The following EIF3J variants were observed in gnomAD, a reference collection of about 807,000 sequenced individuals.
EIF3J encodes the protein eukaryotic translation initiation factor 3 subunit J.
EIF3J carries 15 observed loss-of-function variants against 39.0 expected under a neutral mutation model. The observed-to-expected ratio is 0.38, with a 90% CI of 0.26 to 0.59. The LOEUF (loss-of-function observed/expected upper bound fraction) is 0.59, where lower values mean the gene tolerates loss of function less well. EIF3J is among the 20% of genes least tolerant of loss of function. The pLI, the probability that EIF3J is intolerant of heterozygous loss-of-function variation, is 0.60. For missense variants in EIF3J, 226 were observed against 308.6 expected (o/e 0.73, Z 2.00); for synonymous variants, 98 against 112.9 (o/e 0.87, Z 0.84).
intron 5 of EIF3J, among the ~76,000 whole-genome samples, chr15:44,556,541 C>G (rs1010566051): frequency 6.6e-6 from 1 of 151,998 alleles, no homozygotes; most frequent in Non-Finnish European, 1.5e-5. Context: ...GAGTCTCACT[C>G]TGTCACCCAG....
chr15:44,548,244 G>A (rs1010016010), intron 2 of EIF3J, among the ~76,000 whole-genome samples: 7 of 152,146 alleles, frequency 4.6e-5, no homozygotes, highest in South Asian at 2.1e-4. Flanking sequence ...GAGAAACCCC[G>A]TCTCTACTAA....
Position 44,561,852 on chromosome 15 carries a change from G to A in EIF3J, c.*703G>A, listed in dbSNP as rs2082200330. ...GATGAACTGCTTCAGGTGGGGGAGG[G>A]AAACTTATTTTTATTTGCCTGATTT... On this transcript the variant is annotated 3_prime_UTR_variant, in exon 8 of 8. Transcript: ENST00000261868. The A allele has an allele frequency of 6.6e-6, 1 of 152,566 alleles. No homozygotes were observed. The highest frequency in any genetic ancestry group is 2.4e-5 in the African/African-American group (1 of 41,432). 9.5% of individuals were successfully genotyped at this position (152,566 alleles called of 1,614,324 possible). A position where few individuals can be genotyped will look rare whatever the true frequency, so the allele number is the denominator to read the frequency against.
intron 2 of EIF3J, among the ~76,000 whole-genome samples, chr15:44,540,414 G>C (rs1300752024): frequency 6.6e-6 from 1 of 151,214 alleles, no homozygotes; most frequent in Admixed American, 6.6e-5. Context: ...TATTTATTTT[G>C]AGACGGATTT....
chr15:44,548,979 A>C (rs1341281085), intron 2 of EIF3J, among the ~76,000 whole-genome samples: 4 of 152,144 alleles, frequency 2.6e-5, no homozygotes, highest in African/African-American at 4.8e-5. Context: ...AAAAAATGAA[A>C]TTAGATCCAT....
Position 44,543,417 on chromosome 15 carries a change from C to CTTTTTTT in EIF3J, c.147+6001_147+6007dup, listed in dbSNP as rs759322625. Among the ~76,000 whole-genome samples the CTTTTTTT allele has an allele frequency of 2.0e-3, 267 of 135,390 alleles. 1 individual carries two copies. The highest frequency in any genetic ancestry group is 6.7e-3 in the African/African-American group (242 of 36,360). 88.8% of individuals were successfully genotyped at this position (135,390 alleles called of 152,430 possible). The stretch of plus-strand genomic sequence containing the variant: ...TCTTGGTACATGTTGATAGGAACCA[C>CTTTTTTT]TTTTTTTTTTTTTTTTTGAGATGGA... On this transcript the variant is annotated intron_variant, in intron 2 of 7. Coordinates refer to ENST00000261868, the MANE Select transcript of EIF3J (RefSeq NM_003758.4).
chr15:44,555,484 C>T (rs972243413), intron 5 of EIF3J, among the ~76,000 whole-genome samples: 2 of 152,284 alleles, frequency 1.3e-5, no homozygotes, highest in East Asian at 3.9e-4. Flanking sequence ...GGAAGTATGA[C>T]CTTATCTGTC....
chr15:44,562,010 T>C lies in EIF3J; in HGVS notation c.*861T>C, dbSNP rs2082202856. 1 of 152,630 alleles carries C rather than the reference T, an allele frequency of 6.6e-6. No homozygotes were observed. Among genetic ancestry groups the C allele is most frequent in the Non-Finnish European group, 1.5e-5 (1 of 68,034 alleles). 9.5% of individuals were successfully genotyped at this position (152,630 alleles called of 1,614,324 possible). A position where few individuals can be genotyped will look rare whatever the true frequency, so the allele number is the denominator to read the frequency against. On this transcript the variant is annotated 3_prime_UTR_variant, in exon 8 of 8. Coordinates refer to ENST00000261868, the MANE Select transcript of EIF3J (RefSeq NM_003758.4). The stretch of plus-strand genomic sequence containing the variant: ...CACCAGTTAACTACAGTTTGGTAAA[T>C]TGTTATGTTAACAATTATGACATCT...
chr15:44,555,593 C>CT (rs1334879513), intron 5 of EIF3J, among the ~76,000 whole-genome samples: 1 of 152,140 alleles, frequency 6.6e-6, no homozygotes, highest in Non-Finnish European at 1.5e-5. Context: ...ATAGAGAGCT[C>CT]TTGGCTGTTA....
chr15:44,542,751 A>G (rs2082023304), intron 2 of EIF3J, among the ~76,000 whole-genome samples: 1 of 152,252 alleles, frequency 6.6e-6, no homozygotes, highest in Non-Finnish European at 1.5e-5. Flanking sequence ...CTGCAGGGCA[A>G]GAGTATAGAT....
rs867034079 is a variant in EIF3J, at chr15:44,560,890, G to A, written c.646-128G>A. 32 of 1,288,896 alleles carry A rather than the reference G, an allele frequency of 2.5e-5. No individual in the cohort carries two copies. In the Middle Eastern group the frequency reaches 2.1e-3, roughly 86 times the overall value. The allele number at this position is 1,288,896 out of a possible 1,614,324, so 79.8% of individuals were successfully genotyped here. A position where few individuals can be genotyped will look rare whatever the true frequency, so the allele number is the denominator to read the frequency against. On this transcript the variant is annotated intron_variant, in intron 7 of 7. Coordinates refer to ENST00000261868, the MANE Select transcript of EIF3J (RefSeq NM_003758.4). Reference sequence around the variant, plus strand: ...TTCAGGTCCAAAACATGTAGGCTCGGATGTCCCTTACAGAACTAGTGTTTC... The same window carrying A: ...TTCAGGTCCAAAACATGTAGGCTCGAATGTCCCTTACAGAACTAGTGTTTC...
rs930037740 is a variant in EIF3J at position 44,561,807 on chromosome 15, T to C, written c.*658T>C. 5.9e-5 allele frequency: 9 copies of C among 152,760 alleles called. No individual in the cohort carries two copies. Among genetic ancestry groups the C allele is most frequent in the African/African-American group, 2.2e-4 (9 of 41,584 alleles). The allele number at this position is 152,760 out of a possible 1,614,324, so 9.5% of individuals were successfully genotyped here. A position where few individuals can be genotyped will look rare whatever the true frequency, so the allele number is the denominator to read the frequency against. On this transcript the variant is annotated 3_prime_UTR_variant, in exon 8 of 8. Coordinates refer to ENST00000261868, the MANE Select transcript of EIF3J (RefSeq NM_003758.4). ...CTCGAGTGCAAAGACTGTCTAGTTA[T>C]TTATCAGGCTATTTCTACTGATGAA...
intron 6 of EIF3J, among the ~76,000 whole-genome samples, chr15:44,558,346 G>T (rs1413574026): frequency 2.0e-5 from 3 of 152,118 alleles, no homozygotes; most frequent in Non-Finnish European, 4.4e-5. Flanking sequence ...GCTCATGCCT[G>T]TAATCCCAGC....
At chr15:44,546,302 G>GT (rs2082052479) in intron 2 of EIF3J, among the ~76,000 whole-genome samples, 1 of 152,200 alleles carries the variant, frequency 6.6e-6, no homozygotes, top group Non-Finnish European at 1.5e-5. Context: ...AATTGCTGAA[G>GT]TAAGATGAAT....
At chr15:44,542,075 A>G (rs981275331) in intron 2 of EIF3J, among the ~76,000 whole-genome samples, 5 of 152,252 alleles carry the variant, frequency 3.3e-5, no homozygotes, top group Non-Finnish European at 5.9e-5. Flanking sequence ...TGAGACAGGT[A>G]GGCATTGAGA....
At chr15:44,538,567 C>G (rs956312562) in intron 2 of EIF3J, among the ~76,000 whole-genome samples, 1 of 152,096 alleles carries the variant, frequency 6.6e-6, no homozygotes, top group Non-Finnish European at 1.5e-5. Context: ...CTGTTCTCTC[C>G]CCAGTCCGAT....
intron 4 of EIF3J, among the ~76,000 whole-genome samples, chr15:44,552,679 A>G (rs2082110191): frequency 6.6e-6 from 1 of 151,688 alleles, no homozygotes; most frequent in Admixed American, 6.6e-5. Flanking sequence ...CTCCTGCCTC[A>G]GTCTTCGAGT....
chr15:44,551,790 G>A (rs2082100952), intron 4 of EIF3J, among the ~76,000 whole-genome samples: 1 of 152,002 alleles, frequency 6.6e-6, no homozygotes, highest in South Asian at 2.1e-4. Flanking sequence ...GCCAGTGCCT[G>A]TAGTTCATTC....
rs1198445825 is a variant in EIF3J, at chr15:44,561,803, GTTAT to G, written c.*659_*662del. ...ATCTCTCGAGTGCAAAGACTGTCTAGTTATTTATCAGGCTATTTCTACTGATGAA... is the reference window on the plus strand; with the variant it reads ...ATCTCTCGAGTGCAAAGACTGTCTAGTTATCAGGCTATTTCTACTGATGAA... On this transcript the variant is annotated 3_prime_UTR_variant, in exon 8 of 8. Coordinates refer to ENST00000261868, the MANE Select transcript of EIF3J (RefSeq NM_003758.4). 6.6e-6 allele frequency: 1 copy of G among 152,568 alleles called. No individual in the cohort carries two copies. The highest frequency in any genetic ancestry group is 1.9e-4 in the East Asian group (1 of 5,196). 9.5% of individuals were successfully genotyped at this position (152,568 alleles called of 1,614,324 possible).
rs779347378 is a variant in EIF3J, at chr15:44,560,378, T to TAACA, written c.645+57_645+60dup. The TAACA allele has an allele frequency of 5.7e-4, 857 of 1,509,006 alleles. 2 individuals carry two copies. Among genetic ancestry groups the TAACA allele is most frequent in the Middle Eastern group, 1.0e-3 (6 of 5,804 alleles). The allele number at this position is 1,509,006 out of a possible 1,614,324, so 93.5% of individuals were successfully genotyped here. A position where few individuals can be genotyped will look rare whatever the true frequency, so the allele number is the denominator to read the frequency against. On this transcript the variant is annotated intron_variant, in intron 7 of 7. Transcript: ENST00000261868. ...TTAAATTAGAGTGGGGTTATAGGTCTAACAGTCAACAAATATAATAGGAGC... is the reference window on the plus strand; with the variant it reads ...TTAAATTAGAGTGGGGTTATAGGTCTAACAAACAGTCAACAAATATAATAGGAGC...
Sources: allele counts gnomAD v4.1 joint callset (sites outside exome capture counted in the v4.1 genomes callset), GRCh38; gene constraint gnomAD v4.1.1; transcripts MANE v1.5; gene names NCBI Gene and HGNC (gene_info 2026-07-23, HGNC 2026-07-21).